Variants in SLC38A8 observed in about 807,000 individuals in gnomAD.
SLC38A8 encodes the protein amino acid transporter SLC38A8.
In SLC38A8, 65 loss-of-function variants were observed where a neutral mutation model predicts 46.0. That is an observed-to-expected ratio of 1.41 (90% CI 1.16 to 1.74). The LOEUF is 1.74. Ranked by LOEUF, SLC38A8 falls within the 40% of genes most tolerant of loss-of-function variation. SLC38A8 has a pLI of 0.00. For synonymous variants in SLC38A8, 447 were observed against 243.7 expected (o/e 1.83, Z -7.77); for missense variants, 998 against 567.9 (o/e 1.76, Z -7.70).
intron 2 of SLC38A8, among the ~76,000 whole-genome samples, chr16:84,040,220 G>A (rs776274190): frequency 1.3e-5 from 2 of 152,104 alleles, no homozygotes; most frequent in Admixed American, 6.5e-5. Flanking sequence ...CCATCTCCCC[G>A]GTAGCCCTGG....
intron 9 of SLC38A8, among the ~76,000 whole-genome samples, chr16:84,014,407 C>G (rs1357417443): frequency 1.3e-5 from 2 of 151,216 alleles, no homozygotes; most frequent in African/African-American, 4.9e-5. Context: ...CCGCTCAGAG[C>G]ATGCAGGAGC....
chr16:84,023,267 G>C (rs892040311), intron 6 of SLC38A8, among the ~76,000 whole-genome samples: 1 of 152,082 alleles, frequency 6.6e-6, no homozygotes, highest in Non-Finnish European at 1.5e-5. Context: ...GGCTAGTTTA[G>C]ATTGTGCGGC....
Position 84,009,761 on chromosome 16 carries a change from TC to T in SLC38A8, c.*22del. Reference sequence around the variant, plus strand: ...TAGGGTCAGCCCCCGGAGGGCCCCTTCCTGCCCGGCACTAGCTGCCCATCAG... The same window carrying T: ...TAGGGTCAGCCCCCGGAGGGCCCCTTCTGCCCGGCACTAGCTGCCCATCAG... On this transcript the variant is annotated 3_prime_UTR_variant, in exon 11 of 11. Coordinates refer to ENST00000299709, the MANE Select transcript of SLC38A8 (RefSeq NM_001080442.3). 2 of 1,608,158 alleles carry T rather than the reference TC, an allele frequency of 1.2e-6. No homozygotes were observed. Among genetic ancestry groups the T allele is most frequent in the South Asian group, 1.1e-5 (1 of 90,298 alleles).
intron 9 of SLC38A8, among the ~76,000 whole-genome samples, chr16:84,014,198 G>A (rs908066538): frequency 6.6e-6 from 1 of 151,482 alleles, no homozygotes; most frequent in Non-Finnish European, 1.5e-5. Context: ...AGAGCCAAGG[G>A]AGGAGCTGTG....
Position 84,012,990 on chromosome 16 carries a change from G to A in SLC38A8, c.1214+11C>T, listed in dbSNP as rs756407374. The stretch of plus-strand genomic sequence containing the variant: ...ACACCCAGGGTGCCACCTCATCTTA[G>A]GGACACTTACTTGACTCTTGGTCCT... On this transcript the variant is annotated intron_variant, in intron 10 of 10. Coordinates refer to ENST00000299709, the MANE Select transcript of SLC38A8 (RefSeq NM_001080442.3). The A allele has an allele frequency of 1.9e-6, 3 of 1,614,040 alleles. No individual in the cohort carries two copies. Among genetic ancestry groups the A allele is most frequent in the Non-Finnish European group, 2.5e-6 (3 of 1,179,916 alleles).
chr16:84,013,424 G>GTGT (rs1453015807), intron 9 of SLC38A8, among the ~76,000 whole-genome samples: 51 of 64,046 alleles, frequency 8.0e-4, no homozygotes, highest in African/African-American at 2.8e-3. Context: ...TTGTGTGTGT[G>GTGT]TTTTTTTTTT....
At chr16:84,015,067 G>T (rs1424663691) in intron 9 of SLC38A8, among the ~76,000 whole-genome samples, 1 of 152,134 alleles carries the variant, frequency 6.6e-6, no homozygotes, top group Non-Finnish European at 1.5e-5. Context: ...GGGTGTTGGG[G>T]ATACCTGGCT....
At chr16:84,017,585 G>T (rs2085045643) in intron 7 of SLC38A8, among the ~76,000 whole-genome samples, 1 of 152,146 alleles carries the variant, frequency 6.6e-6, no homozygotes, top group Admixed American at 6.5e-5. Flanking sequence ...AGAGCACTTT[G>T]AAAAATACAA....
intron 10 of SLC38A8, 27 bp downstream of exon 10, chr16:84,012,974 G>A (rs763652400): frequency 1.2e-6 from 2 of 1,613,394 alleles, no homozygotes; most frequent in Admixed American, 1.7e-5. Context: ...CACACCCAGG[G>A]TGCCACCTCA....
At chr16:84,010,292 A>T (rs1276896029) in intron 10 of SLC38A8, among the ~76,000 whole-genome samples, 1 of 151,812 alleles carries the variant, frequency 6.6e-6, no homozygotes, top group Non-Finnish European at 1.5e-5. Context: ...GCTGGTCTTG[A>T]ACTCCTGACC....
At chr16:84,037,283 G>A (rs1264633518) in intron 2 of SLC38A8, among the ~76,000 whole-genome samples, 1 of 152,202 alleles carries the variant, frequency 6.6e-6, no homozygotes, top group African/African-American at 2.4e-5. Flanking sequence ...GAGGTGGAGC[G>A]GGCACAGCCG....
intron 9 of SLC38A8, 49 bp downstream of exon 9, chr16:84,016,470 G>A (rs762315254): frequency 8.2e-6 from 13 of 1,591,848 alleles, no homozygotes; most frequent in Non-Finnish European, 1.0e-5. Context: ...CCACAGAGAT[G>A]AGCAGGGAAG....
chr16:84,042,264 C>CCG, intron 1 of SLC38A8, 105 bp from the exon 2 acceptor site: 1 of 1,191,148 alleles, frequency 8.4e-7, no homozygotes, highest in Admixed American at 2.8e-5. Context: ...GCTCCCTGAG[C>CCG]CGCTCCTGCC....
rs8052935 is a variant in SLC38A8, at chr16:84,036,431, A to G, written c.388+271T>C. ...GAGCTGCTTGCTGTTGGCTCCATTT[A>G]CTCATCTGTGAAACGACTTATCTCC... On this transcript the variant is annotated intron_variant, in intron 3 of 10. Coordinates refer to ENST00000299709, the MANE Select transcript of SLC38A8 (RefSeq NM_001080442.3). Among the ~76,000 whole-genome samples the G allele has an allele frequency of 0.63, 95,617 of 152,154 alleles. 30,674 individuals are homozygous for G. The highest frequency in any genetic ancestry group is 0.85 in the East Asian group (4,408 of 5,164).
intron 6 of SLC38A8, among the ~76,000 whole-genome samples, chr16:84,024,267 C>T (rs185512425): frequency 2.2e-4 from 33 of 152,256 alleles, no homozygotes; most frequent in African/African-American, 7.2e-4. Flanking sequence ...AAGGGGTTCC[C>T]GGGGGCTTGA....
intron 6 of SLC38A8, among the ~76,000 whole-genome samples, chr16:84,025,904 A>G (rs1345575493): frequency 1.3e-5 from 2 of 152,264 alleles, no homozygotes; most frequent in African/African-American, 4.8e-5. Context: ...CTCTGCCAGC[A>G]GGGGGGACGC....
In SLC38A8 at chr16:84,036,758, T is replaced by A. The variant is rs373620867; in HGVS notation, c.332A>T (p.Asn111Ile). 2 of 1,613,868 alleles carry A rather than the reference T, an allele frequency of 1.2e-6. No homozygotes were observed. Among genetic ancestry groups the A allele is most frequent in the South Asian group, 1.1e-5 (1 of 91,054 alleles). Reference sequence around the variant, plus strand: ...GAAGGCCACGGAGATCATGAGCAGGTTGAGGAGGAAGCAGGCCTCACACAG... The same window carrying A: ...GAAGGCCACGGAGATCATGAGCAGGATGAGGAGGAAGCAGGCCTCACACAG... The part of the protein sequence containing the change: ...GKLCEACFLL[N>I]LLMISVAFLR... The change falls in exon 3 of 11, where the codon AAC becomes ATC. Residue 111 changes from asparagine (N) to isoleucine (I), a missense_variant. Asn to Ile is a moderately radical substitution (Grantham distance 149). Transcript: ENST00000299709.
chr16:84,013,133 G>C (rs144724564), intron 9 of SLC38A8, 81 bp from the exon 10 acceptor site: 1 of 1,547,176 alleles, frequency 6.5e-7, no homozygotes, highest in East Asian at 2.2e-5. Context: ...GGTCCTCAGG[G>C]ACCCAGGAGG....
At chr16:84,023,650 T>C (rs4782876) in intron 6 of SLC38A8, among the ~76,000 whole-genome samples, 68,090 of 152,060 alleles carry the variant, frequency 0.45, 15,464 homozygotes, top group Admixed American at 0.5. Flanking sequence ...CCCCAGCACT[T>C]TGGGAGGCCG....
Sources: gnomAD v4.1 joint callset for allele counts (sites outside exome capture counted in the v4.1 genomes callset) on GRCh38, gnomAD v4.1.1 for gene constraint, MANE v1.5 for transcripts, NCBI Gene and HGNC (gene_info 2026-07-23, HGNC 2026-07-21) for gene names.